THEMIS: variants seen among roughly 807,000 people sequenced by gnomAD.
The protein encoded by THEMIS is protein THEMIS.
Under a neutral mutation model 52.6 loss-of-function variants are expected in THEMIS, and 37 were observed. The observed-to-expected ratio is 0.70, with a 90% CI of 0.54 to 0.93. The LOEUF (loss-of-function observed/expected upper bound fraction) is 0.93. THEMIS is among the 40% of genes least tolerant of loss of function. The probability of loss-of-function intolerance (pLI) is 0.00; values close to 1 mark genes in which losing one functional copy is unlikely to be tolerated. For missense variants in THEMIS, 808 were observed against 763.1 expected, an observed-to-expected ratio of 1.06 and a Z score of -0.69; for synonymous variants, 292 against 272.7, an observed-to-expected ratio of 1.07 and a Z score of -0.70.
At chr6:127,810,869 T>TG (rs1777881122) in intron 4 of THEMIS, among the ~76,000 whole-genome samples, 1 of 131,936 alleles carries the variant, frequency 7.6e-6, no homozygotes, top group Middle Eastern at 3.6e-3. Flanking sequence ...AGCAGTAGGC[T>TG]GGAAAAAAAA....
intron 5 of THEMIS, among the ~76,000 whole-genome samples, chr6:127,711,233 G>T (rs997818105): frequency 6.6e-6 from 1 of 151,648 alleles, no homozygotes; most frequent in African/African-American, 2.4e-5. Context: ...GAATGGAATA[G>T]TTGCAAAGAT....
At chr6:127,880,232 A>T (rs909303818) in intron 1 of THEMIS, among the ~76,000 whole-genome samples, 1 of 152,004 alleles carries the variant, frequency 6.6e-6, no homozygotes, top group Non-Finnish European at 1.5e-5. Context: ...ATCCAATCTC[A>T]TTTGTCTAAA....
intron 4 of THEMIS, among the ~76,000 whole-genome samples, chr6:127,751,066 A>G (rs1054764620): frequency 1.3e-5 from 2 of 151,770 alleles, no homozygotes; most frequent in Non-Finnish European, 3.0e-5. Context: ...TCAAATCTAA[A>G]ATATTTATGT....
At chr6:127,913,096 A>G (rs1781446746) in intron 1 of THEMIS, among the ~76,000 whole-genome samples, 1 of 152,180 alleles carries the variant, frequency 6.6e-6, no homozygotes, top group African/African-American at 2.4e-5. Flanking sequence ...AAGTGAACGT[A>G]ATGCTCTGCT....
rs147102978 is a variant in THEMIS, at chr6:127,787,803, GTAGA to G, written c.1758+25076_1758+25079del. ...AAAAGTCAGCCTGCCACAGTGATAG[GTAGA>G]TAGATAGATAGATAGATAGATAGAT... On this transcript the variant is annotated intron_variant, in intron 4 of 5. Transcript: ENST00000368248. Among the ~76,000 whole-genome samples, 230 of 137,726 alleles carry G rather than the reference GTAGA, an allele frequency of 1.7e-3. 1 individual carries two copies. Among genetic ancestry groups the G allele is most frequent in the South Asian group, 9.6e-3 (39 of 4,060 alleles). 90.4% of individuals were successfully genotyped at this position (137,726 alleles called of 152,430 possible).
intron 2 of THEMIS, among the ~76,000 whole-genome samples, chr6:127,834,679 G>C (rs895252537): frequency 3.3e-5 from 5 of 152,092 alleles, no homozygotes. Context: ...AGAGGTAAAA[G>C]AATATATCAT....
At chr6:127,833,199 T>G (rs1778760454) in intron 2 of THEMIS, among the ~76,000 whole-genome samples, 1 of 152,174 alleles carries the variant, frequency 6.6e-6, no homozygotes, top group Non-Finnish European at 1.5e-5. Flanking sequence ...ATTGACCTGC[T>G]AAAAATTAAT....
rs537582222 is a variant in THEMIS, at chr6:127,853,507, T to C, written c.250+1523A>G. On this transcript the variant is annotated intron_variant, in intron 2 of 5. Coordinates refer to ENST00000368248, the MANE Select transcript of THEMIS (RefSeq NM_001010923.3). ...GAGAATCATTGTTATAAAAGATGAG[T>C]AAGAAAGAAATAGAATTGAACAATG... Among the ~76,000 whole-genome samples, 101 of 151,662 alleles carry C rather than the reference T, an allele frequency of 6.7e-4. 1 individual carries two copies. Among genetic ancestry groups the C allele is most frequent in the Non-Finnish European group, 9.0e-4 (61 of 67,718 alleles).
At chr6:127,889,192 G>A (rs1185925426) in intron 1 of THEMIS, among the ~76,000 whole-genome samples, 1 of 152,034 alleles carries the variant, frequency 6.6e-6, no homozygotes, top group Non-Finnish European at 1.5e-5. Context: ...GGTTCTTAAA[G>A]TATCTGTTCC....
chr6:127,762,446 C>T (rs1002135144), intron 4 of THEMIS, among the ~76,000 whole-genome samples: 2 of 152,196 alleles, frequency 1.3e-5, no homozygotes, highest in South Asian at 4.1e-4. Context: ...CCTCTGTTGG[C>T]ATCCTGTCTT....
intron 3 of THEMIS, among the ~76,000 whole-genome samples, chr6:127,821,152 G>A (rs1281832233): frequency 6.7e-6 from 1 of 149,926 alleles, no homozygotes; most frequent in Non-Finnish European, 1.5e-5. Flanking sequence ...CTCTAATCAT[G>A]TGTGTGTGTG....
chr6:127,805,672 G>C lies in THEMIS; in HGVS notation c.1758+7211C>G, dbSNP rs1473090102. On this transcript the variant is annotated intron_variant, in intron 4 of 5. Transcript: ENST00000368248. ...CCTAATATTTATCCAGGAAAATTTG[G>C]TTTGGGAAGCAAAGCATAAATATAT... 3.9e-5 allele frequency among the ~76,000 whole-genome samples: 6 copies of C among 151,970 alleles called. No individual in the cohort carries two copies. The South Asian group carries it at 1.2e-3, about 31-fold the overall frequency.
chr6:127,867,392 T>C (rs527466379), intron 1 of THEMIS, among the ~76,000 whole-genome samples: 10 of 152,238 alleles, frequency 6.6e-5, no homozygotes, highest in Admixed American at 1.3e-4. Context: ...AAGGTTTCTA[T>C]TGAATTATCA....
chr6:127,812,288 G>A (rs557179620), intron 4 of THEMIS, among the ~76,000 whole-genome samples: 1 of 152,240 alleles, frequency 6.6e-6, no homozygotes, highest in East Asian at 1.9e-4. Flanking sequence ...ATTTCATACT[G>A]TCTCCAATTT....
intron 1 of THEMIS, among the ~76,000 whole-genome samples, chr6:127,888,778 T>C (rs1256635123): frequency 6.6e-6 from 1 of 152,082 alleles, no homozygotes; most frequent in African/African-American, 2.4e-5. Context: ...ATGTTAGCAA[T>C]ATGAAGAGTA....
chr6:127,776,354 A>T (rs1776564851), intron 4 of THEMIS, among the ~76,000 whole-genome samples: 2 of 152,174 alleles, frequency 1.3e-5, no homozygotes, highest in African/African-American at 2.4e-5. Context: ...CTCATCTCTG[A>T]AATTAGGTTA....
At chr6:127,803,960 A>T (rs1777619099) in intron 4 of THEMIS, among the ~76,000 whole-genome samples, 1 of 152,216 alleles carries the variant, frequency 6.6e-6, no homozygotes, top group African/African-American at 2.4e-5. Context: ...CACATATTTA[A>T]GCAGATTTTA....
chr6:127,868,014 A>G (rs755976837), intron 1 of THEMIS, among the ~76,000 whole-genome samples: 2 of 152,184 alleles, frequency 1.3e-5, no homozygotes, highest in South Asian at 4.1e-4. Context: ...CCTTCTCTAC[A>G]GTCAAGTTCA....
chr6:127,711,151 T>G (rs1003763736), intron 5 of THEMIS, among the ~76,000 whole-genome samples: 1 of 151,944 alleles, frequency 6.6e-6, no homozygotes, highest in Non-Finnish European at 1.5e-5. Context: ...TAATTTACTT[T>G]AGGTTACTAA....
Sources: gnomAD v4.1 joint callset for allele counts (sites outside exome capture counted in the v4.1 genomes callset) on GRCh38, gnomAD v4.1.1 for gene constraint, MANE v1.5 for transcripts, NCBI Gene and HGNC (gene_info 2026-07-23, HGNC 2026-07-21) for gene names.